The following SLIT2 variants were observed in gnomAD, a reference collection of about 807,000 sequenced individuals.
SLIT2 encodes slit guidance ligand 2, also known as slit homolog 2 protein.
Under a neutral mutation model 185.7 loss-of-function variants are expected in SLIT2, and 41 were observed. That is an observed-to-expected ratio of 0.22 (90% confidence interval 0.17 to 0.29). The LOEUF (loss-of-function observed/expected upper bound fraction) is 0.29, where lower values mean the gene tolerates loss of function less well. Ranked by LOEUF, SLIT2 falls within the 10% of genes least tolerant of loss-of-function variation. The pLI is 1.00. For synonymous variants in SLIT2, 693 were observed against 680.2 expected (o/e 1.02, Z -0.29); for missense variants, 1,571 against 1,909.0 (o/e 0.82, Z 3.30).
At chr4:20,568,624 G>A (rs1249540826) in intron 28 of SLIT2, among the ~76,000 whole-genome samples, 1 of 151,918 alleles carries the variant, frequency 6.6e-6, no homozygotes, top group Non-Finnish European at 1.5e-5. Flanking sequence ...TAAGACCATG[G>A]AACCATTTGC....
chr4:20,283,334 A>G (rs1205446197), intron 4 of SLIT2, among the ~76,000 whole-genome samples: 1 of 152,156 alleles, frequency 6.6e-6, no homozygotes, highest in Non-Finnish European at 1.5e-5. Flanking sequence ...TTCTCACTCT[A>G]TAGAGAGGGT....
chr4:20,369,686 G>T (rs769641024), intron 4 of SLIT2, among the ~76,000 whole-genome samples: 1 of 152,062 alleles, frequency 6.6e-6, no homozygotes, highest in Admixed American at 6.6e-5. Context: ...CAGAGTCACT[G>T]TCTAGGGACC....
intron 4 of SLIT2, among the ~76,000 whole-genome samples, chr4:20,273,611 T>A (rs1380412491): frequency 6.6e-6 from 1 of 152,152 alleles, no homozygotes; most frequent in Non-Finnish European, 1.5e-5. Context: ...CCTAGGTTTC[T>A]CAAACATTGA....
At chr4:20,319,295 G>A (rs1040216016) in intron 4 of SLIT2, among the ~76,000 whole-genome samples, 1 of 152,086 alleles carries the variant, frequency 6.6e-6, no homozygotes, top group African/African-American at 2.4e-5. Flanking sequence ...CATTGTATGA[G>A]TGTACAAAAG....
intron 9 of SLIT2, among the ~76,000 whole-genome samples, chr4:20,494,416 A>G (rs1718045082): frequency 6.6e-6 from 1 of 152,210 alleles, no homozygotes; most frequent in African/African-American, 2.4e-5. Context: ...GCGGGACCAA[A>G]ACTGGAAAGG....
At chr4:20,413,407 T>C (rs996940452) in intron 4 of SLIT2, among the ~76,000 whole-genome samples, 28 of 152,090 alleles carry the variant, frequency 1.8e-4, no homozygotes, top group African/African-American at 6.8e-4. Context: ...GGAATTAATG[T>C]GTATTTTTAT....
intron 26 of SLIT2, among the ~76,000 whole-genome samples, chr4:20,556,412 T>C (rs949683396): frequency 6.6e-6 from 1 of 152,072 alleles, no homozygotes; most frequent in African/African-American, 2.4e-5. Flanking sequence ...ATAATGCTAA[T>C]GCTTATCTGT....
chr4:20,357,657 T>A (rs1276941962), intron 4 of SLIT2, among the ~76,000 whole-genome samples: 1 of 152,108 alleles, frequency 6.6e-6, no homozygotes, highest in African/African-American at 2.4e-5. Context: ...GTTTGTGATA[T>A]AGGATGTGAA....
At chr4:20,434,448 T>G (rs959953645) in intron 4 of SLIT2, among the ~76,000 whole-genome samples, 3 of 151,968 alleles carry the variant, frequency 2.0e-5, no homozygotes, top group Non-Finnish European at 4.4e-5. Context: ...ATCGCACCAC[T>G]GCACCTCCAG....
intron 4 of SLIT2, among the ~76,000 whole-genome samples, chr4:20,464,629 C>T (rs1714139428): frequency 2.6e-5 from 4 of 152,092 alleles, no homozygotes; most frequent in Admixed American, 1.3e-4. Flanking sequence ...TTGTCCTTTC[C>T]ACCCCTTCTC....
chr4:20,556,585 C>G (rs983957981), intron 26 of SLIT2, among the ~76,000 whole-genome samples: 1 of 152,064 alleles, frequency 6.6e-6, no homozygotes, highest in East Asian at 1.9e-4. Flanking sequence ...GTCTCTCTCT[C>G]TCTCTTTCAC....
chr4:20,286,011 T>C (rs181062409), intron 4 of SLIT2, among the ~76,000 whole-genome samples: 86 of 152,268 alleles, frequency 5.6e-4, no homozygotes, highest in Non-Finnish European at 2.4e-4. Flanking sequence ...GCTTCATTCG[T>C]TTTTCAATAA....
At chr4:20,447,697 C>T (rs551832346) in intron 4 of SLIT2, among the ~76,000 whole-genome samples, 7 of 152,166 alleles carry the variant, frequency 4.6e-5, no homozygotes, top group South Asian at 2.1e-4. Context: ...ATATTGTCTG[C>T]GTTTGTCAAG....
intron 21 of SLIT2, among the ~76,000 whole-genome samples, chr4:20,545,153 C>A (rs12501533): frequency 0.024 from 3,575 of 152,002 alleles, 61 homozygotes; most frequent in South Asian, 0.1. Context: ...TTGAAATGGA[C>A]CACAACATTG....
intron 7 of SLIT2, among the ~76,000 whole-genome samples, chr4:20,487,475 G>C (rs1224046768): frequency 6.6e-6 from 1 of 152,062 alleles, no homozygotes; most frequent in East Asian, 1.9e-4. Flanking sequence ...TTATTTTCTT[G>C]TAGAAATTCG....
rs749779806 is a variant in SLIT2, at chr4:20,595,762, A to G, written c.3248A>G (p.Asn1083Ser). The change falls in exon 31 of 37, where the codon AAC (asparagine) becomes AGC (serine). Residue 1083 changes from asparagine to serine, a missense_variant. Physicochemically the swap from Asn to Ser is conservative, Grantham distance 46. This residue lies in a region of SLIT2 where 1,202 missense variants were observed against 1,416.4 expected (regional missense o/e 0.85). Transcript: ENST00000504154. ...CDIDFDDCQDNKCKNGAHCTD... is the reference protein window; with the variant it reads ...CDIDFDDCQDSKCKNGAHCTD... ...ATCGATTTTGACGACTGCCAAGACA[A>G]CAAGTGTAAAAACGGAGCCCACTGC... is the stretch of plus-strand genomic sequence containing the variant. The G allele has an allele frequency of 1.4e-5, 22 of 1,614,038 alleles. No individual in the cohort carries two copies. The highest frequency in any genetic ancestry group is 1.9e-5 in the Non-Finnish European group (22 of 1,180,008).
intron 4 of SLIT2, among the ~76,000 whole-genome samples, chr4:20,459,505 A>G (rs1012430869): frequency 3.3e-5 from 5 of 152,190 alleles, no homozygotes; most frequent in African/African-American, 9.6e-5. Context: ...CTTGGGGATA[A>G]TAACCTGCAA....
intron 4 of SLIT2, among the ~76,000 whole-genome samples, chr4:20,463,491 A>ATG (rs1337282350): frequency 0.021 from 1,987 of 95,666 alleles, 79 homozygotes; most frequent in East Asian, 0.038. Context: ...ATATATATAT[A>ATG]TGTGTGTGTG....
At chr4:20,495,592 G>T (rs1249576818) in intron 9 of SLIT2, among the ~76,000 whole-genome samples, 4 of 152,132 alleles carry the variant, frequency 2.6e-5, no homozygotes, top group Non-Finnish European at 5.9e-5. Flanking sequence ...GTGGGATTTA[G>T]TTGCATTAAA....
Sources: gnomAD v4.1 joint callset for allele counts (sites outside exome capture counted in the v4.1 genomes callset) on GRCh38, gnomAD v4.1.1 for gene constraint, gnomAD v4.1.1 regional missense constraint, MANE v1.5 for transcripts, NCBI Gene and HGNC (gene_info 2026-07-23, HGNC 2026-07-21) for gene names.